ADK: variants seen among roughly 807,000 people sequenced by gnomAD.
ADK encodes the protein N6,N6-dimethyladenosine kinase.
A neutral mutation model predicts 44.7 loss-of-function variants in ADK; 24 were observed. The ratio of observed to expected loss-of-function variants is 0.54; its 90% CI spans 0.39 to 0.76. ADK has a LOEUF of 0.76. Among genes scored for constraint, ADK ranks in the 30% least tolerant of loss-of-function variants. ADK has a pLI of 0.00. For missense variants in ADK, 321 were observed against 425.1 expected, an observed-to-expected ratio of 0.76 and a Z score of 2.15; for synonymous variants, 128 against 142.6, an observed-to-expected ratio of 0.90 and a Z score of 0.73.
chr10:74,309,530 A>T (rs1029535881), intron 3 of ADK, among the ~76,000 whole-genome samples: 4 of 152,202 alleles, frequency 2.6e-5, no homozygotes, highest in African/African-American at 9.6e-5. Flanking sequence ...TAGGAGACAG[A>T]ACATAGTAAG....
intron 10 of ADK, among the ~76,000 whole-genome samples, chr10:74,675,960 T>G (rs1459528417): frequency 6.6e-6 from 1 of 151,892 alleles, no homozygotes. Context: ...TGAGTACACC[T>G]TTGACAGATT....
chr10:74,277,645 T>C (rs536084305), intron 3 of ADK, among the ~76,000 whole-genome samples: 101 of 152,108 alleles, frequency 6.6e-4, no homozygotes, highest in African/African-American at 2.4e-3. Flanking sequence ...GTGATCCACC[T>C]GCCTCGGCCT....
intron 3 of ADK, among the ~76,000 whole-genome samples, chr10:74,293,342 A>G (rs947120161): frequency 2.0e-5 from 3 of 152,192 alleles, no homozygotes; most frequent in Non-Finnish European, 4.4e-5. Flanking sequence ...TAACAGCAAT[A>G]TAAAAAGAAT....
At chr10:74,539,937 A>AT (rs1849569722) in intron 7 of ADK, among the ~76,000 whole-genome samples, 1 of 152,224 alleles carries the variant, frequency 6.6e-6, no homozygotes, top group Non-Finnish European at 1.5e-5. Context: ...AAGATGTGCT[A>AT]TGGGAAAGAT....
At chr10:74,586,947 G>A (rs756786055) in intron 7 of ADK, among the ~76,000 whole-genome samples, 4 of 150,622 alleles carry the variant, frequency 2.7e-5, no homozygotes, top group Non-Finnish European at 5.9e-5. Context: ...ATTTTTTACA[G>A]TTAATTTCTT....
chr10:74,414,433 T>G (rs1844295348), intron 6 of ADK, among the ~76,000 whole-genome samples: 1 of 152,212 alleles, frequency 6.6e-6, no homozygotes, highest in Admixed American at 6.5e-5. Flanking sequence ...GGATAAATTT[T>G]CAAACAAGAG....
chr10:74,285,020 T>A (rs2132458006), intron 3 of ADK, among the ~76,000 whole-genome samples: 1 of 152,364 alleles, frequency 6.6e-6, no homozygotes, highest in South Asian at 2.1e-4. Flanking sequence ...GGAACTTTTT[T>A]AAGTGCTAGG....
At chr10:74,287,982 C>CAAAA (rs367569110) in intron 3 of ADK, among the ~76,000 whole-genome samples, 65 of 68,622 alleles carry the variant, frequency 9.5e-4, no homozygotes, top group South Asian at 4.3e-3. Flanking sequence ...GACCCTGTCT[C>CAAAA]AAAAAAAAAA....
intron 9 of ADK, among the ~76,000 whole-genome samples, chr10:74,634,714 G>A (rs1011196374): frequency 6.6e-6 from 1 of 152,094 alleles, no homozygotes; most frequent in Non-Finnish European, 1.5e-5. Flanking sequence ...GGAAGCCAGG[G>A]TGGGTGGATT....
At chr10:74,197,019 A>G (rs1843179374) in intron 1 of ADK, among the ~76,000 whole-genome samples, 1 of 152,140 alleles carries the variant, frequency 6.6e-6, no homozygotes, top group Non-Finnish European at 1.5e-5. Context: ...CACCTTCTTC[A>G]TTTATATCTA....
chr10:74,541,336 T>G (rs938015441), intron 7 of ADK, among the ~76,000 whole-genome samples: 2 of 152,174 alleles, frequency 1.3e-5, no homozygotes, highest in Non-Finnish European at 2.9e-5. Flanking sequence ...TTTTTAGTTT[T>G]GGTAATTTTA....
At chr10:74,302,779 G>A (rs147587884) in intron 3 of ADK, among the ~76,000 whole-genome samples, 1,804 of 152,130 alleles carry the variant, frequency 0.012, 42 homozygotes, top group African/African-American at 0.041. Context: ...CTCCATTACA[G>A]AGGGAGAGCC....
intron 9 of ADK, among the ~76,000 whole-genome samples, chr10:74,613,034 A>G (rs960555019): frequency 1.3e-5 from 2 of 151,994 alleles, no homozygotes; most frequent in African/African-American, 4.8e-5. Flanking sequence ...ACTATACCCT[A>G]GTAGTATAGT....
chr10:74,680,859 C>A (rs1320458082), intron 10 of ADK, among the ~76,000 whole-genome samples: 1 of 152,150 alleles, frequency 6.6e-6, no homozygotes, highest in Non-Finnish European at 1.5e-5. Context: ...ATTTATTTTT[C>A]ATTTAATTAT....
Position 74,516,425 on chromosome 10 carries a change from G to A in ADK, c.556-8831G>A, listed in dbSNP as rs1181814982. Among the ~76,000 whole-genome samples the A allele has an allele frequency of 2.6e-5, 4 of 151,994 alleles. No homozygotes were observed. The East Asian group carries it at 7.7e-4, about 29-fold the overall frequency. The stretch of plus-strand genomic sequence containing the variant: ...GTCAAATCTTAGCTGTTTGTTTGTT[G>A]CCTTGATCCTTTTTTTGTGTGTGGG... On this transcript the variant is annotated intron_variant, in intron 6 of 10. Coordinates refer to ENST00000539909, the MANE Select transcript of ADK (RefSeq NM_006721.4).
At chr10:74,604,862 T>A (rs1852263046) in intron 9 of ADK, among the ~76,000 whole-genome samples, 1 of 152,244 alleles carries the variant, frequency 6.6e-6, no homozygotes, top group African/African-American at 2.4e-5. Flanking sequence ...TTTCACGATA[T>A]TCTTCCTATC....
chr10:74,316,033 A>C (rs1840606148), intron 4 of ADK, among the ~76,000 whole-genome samples: 1 of 151,860 alleles, frequency 6.6e-6, no homozygotes, highest in Admixed American at 6.6e-5. Context: ...AGGTCAGGAG[A>C]TCCAGATCAG....
chr10:74,481,611 G>A (rs1015003323), intron 6 of ADK, among the ~76,000 whole-genome samples: 1 of 151,920 alleles, frequency 6.6e-6, no homozygotes, highest in East Asian at 1.9e-4. Context: ...CATGAATTTT[G>A]TCCATGCATT....
intron 9 of ADK, among the ~76,000 whole-genome samples, chr10:74,631,729 C>T (rs1853432295): frequency 6.6e-6 from 1 of 152,104 alleles, no homozygotes; most frequent in African/African-American, 2.4e-5. Flanking sequence ...CACACAACCA[C>T]ACATCCTGGT....
Sources: allele counts gnomAD v4.1 joint callset (sites outside exome capture counted in the v4.1 genomes callset), GRCh38; gene constraint gnomAD v4.1.1; transcripts MANE v1.5; gene names NCBI Gene and HGNC (gene_info 2026-07-23, HGNC 2026-07-21).